The following DNAJB14 variants were observed in gnomAD, a reference collection of about 807,000 sequenced individuals.
DNAJB14 encodes DnaJ heat shock protein family (Hsp40) member B14.
A neutral mutation model predicts 48.4 loss-of-function variants in DNAJB14; 22 were observed. The observed-to-expected ratio is 0.45, with a 90% CI of 0.32 to 0.65. The LOEUF is 0.65. DNAJB14 is among the 30% of genes least tolerant of loss of function. The probability of loss-of-function intolerance (pLI) is 0.03; values close to 1 mark genes in which losing one functional copy is unlikely to be tolerated. For missense variants in DNAJB14, 319 were observed against 458.8 expected, an observed-to-expected ratio of 0.70 and a Z score of 2.78; for synonymous variants, 142 against 158.7, an observed-to-expected ratio of 0.89 and a Z score of 0.79.
intron 1 of DNAJB14, among the ~76,000 whole-genome samples, chr4:99,941,672 T>C (rs1414231545): frequency 3.3e-5 from 5 of 152,176 alleles, no homozygotes; most frequent in Non-Finnish European, 4.4e-5. Context: ...CTTAGAATAT[T>C]GTCTGGGACA....
chr4:99,941,640 A>C (rs909974949), intron 1 of DNAJB14, among the ~76,000 whole-genome samples: 1 of 152,176 alleles, frequency 6.6e-6, no homozygotes, highest in African/African-American at 2.4e-5. Flanking sequence ...ACTCTGTCTT[A>C]CTATCCACTG....
At chr4:99,907,660 A>T (rs1327815015) in intron 4 of DNAJB14, among the ~76,000 whole-genome samples, 1 of 152,138 alleles carries the variant, frequency 6.6e-6, no homozygotes, top group Non-Finnish European at 1.5e-5. Flanking sequence ...CCTGGGCAAC[A>T]GAGCAAGACC....
In DNAJB14 at chr4:99,908,681, A is replaced by T. The variant is rs746678514; in HGVS notation, c.637+30T>A. 4 of 1,482,368 alleles carry T rather than the reference A, an allele frequency of 2.7e-6. No homozygotes were observed. The South Asian group carries it at 5.5e-5, about 21-fold the overall frequency. 91.8% of individuals were successfully genotyped at this position (1,482,368 alleles called of 1,614,324 possible). A position where few individuals can be genotyped will look rare whatever the true frequency, so the allele number is the denominator to read the frequency against. On this transcript the variant is annotated intron_variant, in intron 4 of 7. Transcript: ENST00000442697. The stretch of plus-strand genomic sequence containing the variant: ...GAGGTAAGACTATGTAGCTTCATAA[A>T]ATATAATATCTATAATTACATTAAA...
At chr4:99,919,540 C>T (rs1017447286) in intron 3 of DNAJB14, among the ~76,000 whole-genome samples, 3 of 152,024 alleles carry the variant, frequency 2.0e-5, no homozygotes, top group Admixed American at 6.6e-5. Flanking sequence ...GCTGAGACTG[C>T]GCCACTGCAT....
chr4:99,911,659 T>G (rs943170492), intron 3 of DNAJB14, among the ~76,000 whole-genome samples: 2 of 152,240 alleles, frequency 1.3e-5, no homozygotes, highest in Non-Finnish European at 2.9e-5. Context: ...AGAAAATCTT[T>G]CACTGTGCTT....
intron 1 of DNAJB14, among the ~76,000 whole-genome samples, chr4:99,938,205 G>C (rs971891511): frequency 4.7e-5 from 7 of 148,532 alleles, no homozygotes; most frequent in Admixed American, 1.3e-4. Flanking sequence ...AGGAGGTGGA[G>C]GTTGCGGTGA....
rs1310935740 is a variant in DNAJB14 at position 99,899,290 on chromosome 4, A to G, written c.*1738T>C. 1 of 151,928 alleles carries G rather than the reference A, an allele frequency of 6.6e-6. No homozygotes were observed. The highest frequency in any genetic ancestry group is 2.4e-5 in the African/African-American group (1 of 41,420). The allele number at this position is 151,928 out of a possible 1,614,324, so 9.4% of individuals were successfully genotyped here. On this transcript the variant is annotated 3_prime_UTR_variant, in exon 8 of 8. Transcript: ENST00000442697. The stretch of plus-strand genomic sequence containing the variant: ...CAAATTTTCATAAATTTTCTGATGC[A>G]TATGAACTTTCAAAGTTAATTAAAA...
chr4:99,906,867 T>C (rs1381227693), intron 4 of DNAJB14, among the ~76,000 whole-genome samples: 10 of 152,324 alleles, frequency 6.6e-5, no homozygotes, highest in Non-Finnish European at 1.5e-4. Flanking sequence ...TCTACACACA[T>C]AGAGGTTTTT....
intron 3 of DNAJB14, among the ~76,000 whole-genome samples, chr4:99,916,932 A>T (rs1159803407): frequency 6.6e-6 from 1 of 152,098 alleles, no homozygotes; most frequent in Admixed American, 6.5e-5. Flanking sequence ...CGAGAGATAG[A>T]GACCATCCTG....
rs180972022 is a variant in DNAJB14 at position 99,937,417 on chromosome 4, G to T, written c.134-6796C>A. 9.2e-5 allele frequency among the ~76,000 whole-genome samples: 14 copies of T among 152,072 alleles called. No individual in the cohort carries two copies. The East Asian group carries it at 2.7e-3, about 30-fold the overall frequency. On this transcript the variant is annotated intron_variant, in intron 1 of 7. Coordinates refer to ENST00000442697, the MANE Select transcript of DNAJB14 (RefSeq NM_001031723.4). ...ACCAAATCAACATCATGTGTCTCCT[G>T]ATATGTTACACTAAGAACACACATC...
chr4:99,900,206 A>G lies in DNAJB14; in HGVS notation c.*822T>C, dbSNP rs1274558506. ...TTAGCAGCCCTTCAAGGACATATAC[A>G]TCAAAATTTGGTGGCCTTTAAAGTA... On this transcript the variant is annotated 3_prime_UTR_variant, in exon 8 of 8. Coordinates refer to ENST00000442697, the MANE Select transcript of DNAJB14 (RefSeq NM_001031723.4). 6.6e-6 allele frequency: 1 copy of G among 152,336 alleles called. No homozygotes were observed. The highest frequency in any genetic ancestry group is 1.5e-5 in the Non-Finnish European group (1 of 67,852). 9.4% of individuals were successfully genotyped at this position (152,336 alleles called of 1,614,324 possible). A position where few individuals can be genotyped will look rare whatever the true frequency, so the allele number is the denominator to read the frequency against.
chr4:99,906,092 G>A (rs1725456347), intron 5 of DNAJB14: 9 of 1,314,556 alleles, frequency 6.8e-6, no homozygotes, highest in African/African-American at 1.5e-5. Flanking sequence ...TGGGGGCCAG[G>A]CCTTTTAATT....
intron 4 of DNAJB14, among the ~76,000 whole-genome samples, chr4:99,908,274 A>G (rs931166865): frequency 2.6e-5 from 4 of 152,170 alleles, no homozygotes; most frequent in African/African-American, 7.2e-5. Flanking sequence ...TTAAATGGAA[A>G]TAGAGATGAG....
At chr4:99,911,142 T>C (rs1725646400) in intron 3 of DNAJB14, among the ~76,000 whole-genome samples, 1 of 152,130 alleles carries the variant, frequency 6.6e-6, no homozygotes, top group African/African-American at 2.4e-5. Context: ...GGATATTATA[T>C]GATATATAAA....
chr4:99,916,217 C>A (rs62306060), intron 3 of DNAJB14, among the ~76,000 whole-genome samples: 6,912 of 152,274 alleles, frequency 0.045, 227 homozygotes, highest in Middle Eastern at 0.12. Context: ...CAGGTCACTG[C>A]AGCCTCAACC....
At chr4:99,904,573 T>G (rs771557465) in intron 6 of DNAJB14, among the ~76,000 whole-genome samples, 9 of 152,148 alleles carry the variant, frequency 5.9e-5, no homozygotes, top group Non-Finnish European at 1.2e-4. Context: ...TATGCAAATA[T>G]TACAAAATCT....
intron 1 of DNAJB14, among the ~76,000 whole-genome samples, chr4:99,934,010 G>A (rs544074424): frequency 3.3e-5 from 5 of 152,254 alleles, no homozygotes; most frequent in East Asian, 1.9e-4. Context: ...ACAAGTGCAC[G>A]GGTCCACAAT....
At chr4:99,946,351 C>A in intron 1 of DNAJB14, 88 bp downstream of exon 1, 7 of 1,533,656 alleles carry the variant, frequency 4.6e-6, no homozygotes, top group Non-Finnish European at 6.1e-6. Context: ...GCCCCGCAGG[C>A]CTCCAGGAGG....
intron 3 of DNAJB14, among the ~76,000 whole-genome samples, chr4:99,920,199 G>A (rs547683566): frequency 2.6e-5 from 4 of 152,178 alleles, no homozygotes; most frequent in South Asian, 2.1e-4. Flanking sequence ...TTACTATATC[G>A]CAAAAGTTCT....
Sources: allele counts gnomAD v4.1 joint callset (sites outside exome capture counted in the v4.1 genomes callset), GRCh38; gene constraint gnomAD v4.1.1; transcripts MANE v1.5; gene names NCBI Gene and HGNC (gene_info 2026-07-23, HGNC 2026-07-21).